Variants in BMPR1B observed in about 807,000 individuals in gnomAD.
BMPR1B encodes bone morphogenetic protein receptor type 1B.
BMPR1B carries 12 observed loss-of-function variants against 59.1 expected under a neutral mutation model. The observed-to-expected ratio is 0.20, with a 90% CI of 0.13 to 0.33. The LOEUF is 0.33. Among genes scored for constraint, BMPR1B ranks in the 10% least tolerant of loss-of-function variants. BMPR1B has a pLI of 1.00. For missense variants in BMPR1B, 550 were observed against 610.9 expected, an observed-to-expected ratio of 0.90 and a Z score of 1.05; for synonymous variants, 237 against 207.3, an observed-to-expected ratio of 1.14 and a Z score of -1.23.
chr4:94,783,765 T>A (rs1443968025), intron 1 of BMPR1B, among the ~76,000 whole-genome samples: 2 of 151,834 alleles, frequency 1.3e-5, no homozygotes, highest in Non-Finnish European at 2.9e-5. Flanking sequence ...GTGTAGAGCG[T>A]TTACCCTGTG....
intron 1 of BMPR1B, among the ~76,000 whole-genome samples, chr4:94,780,039 G>A (rs567729186): frequency 7.8e-4 from 119 of 152,070 alleles, no homozygotes; most frequent in South Asian, 4.6e-3. Flanking sequence ...TTATTTTCTA[G>A]GATAGACTCA....
intron 1 of BMPR1B, among the ~76,000 whole-genome samples, chr4:94,832,889 T>C (rs548787406): frequency 2.6e-5 from 4 of 152,268 alleles, no homozygotes; most frequent in African/African-American, 9.6e-5. Flanking sequence ...GAGCAGGTCA[T>C]GTCTGTGAGT....
At chr4:95,061,976 T>C (rs1333159671) in intron 3 of BMPR1B, among the ~76,000 whole-genome samples, 2 of 152,130 alleles carry the variant, frequency 1.3e-5, no homozygotes, top group East Asian at 3.9e-4. Flanking sequence ...ACTTCCCCAT[T>C]CACTCACTGT....
intron 1 of BMPR1B, among the ~76,000 whole-genome samples, chr4:94,815,983 CTG>C (rs1318229587): frequency 1.3e-5 from 2 of 152,054 alleles, no homozygotes; most frequent in Non-Finnish European, 2.9e-5. Flanking sequence ...TTTTCATAGA[CTG>C]TAGTCTATGT....
At chr4:94,917,935 T>C (rs1246589857) in intron 2 of BMPR1B, among the ~76,000 whole-genome samples, 1 of 152,072 alleles carries the variant, frequency 6.6e-6, no homozygotes, top group Non-Finnish European at 1.5e-5. Flanking sequence ...AGTGAGTTCT[T>C]GTGGGATCTG....
intron 2 of BMPR1B, among the ~76,000 whole-genome samples, chr4:94,987,310 A>G (rs1721484248): frequency 6.7e-6 from 1 of 149,154 alleles, no homozygotes; most frequent in African/African-American, 2.5e-5. Context: ...GAGCTTTGCA[A>G]TTTAAATCTT....
chr4:95,073,187 G>A lies in BMPR1B; in HGVS notation c.-17-31221G>A, dbSNP rs377590192. Among the ~76,000 whole-genome samples, 13 of 152,222 alleles carry A rather than the reference G, an allele frequency of 8.5e-5. No individual in the cohort carries two copies. In the East Asian group the frequency reaches 2.3e-3, roughly 27 times the overall value. On this transcript the variant is annotated intron_variant, in intron 3 of 12. Transcript: ENST00000515059. ...TTTTCAGCAGTGAATTAGAAGTGGC[G>A]GGCTTTGGAGAGATTTGTTCTTAGT...
chr4:94,918,625 G>A (rs571977705), intron 2 of BMPR1B, among the ~76,000 whole-genome samples: 4 of 152,098 alleles, frequency 2.6e-5, no homozygotes, highest in Admixed American at 2.6e-4. Context: ...GCAGTGAGCT[G>A]TGATTACATA....
At chr4:95,038,998 C>T (rs545752980) in intron 3 of BMPR1B, among the ~76,000 whole-genome samples, 2 of 152,148 alleles carry the variant, frequency 1.3e-5, no homozygotes, top group African/African-American at 2.4e-5. Context: ...GGGTGTTTGG[C>T]GGTACAGACA....
intron 3 of BMPR1B, among the ~76,000 whole-genome samples, chr4:95,079,308 G>A (rs1044832059): frequency 2.0e-5 from 3 of 152,114 alleles, no homozygotes; most frequent in Admixed American, 6.5e-5. Flanking sequence ...GTTGTTCTAC[G>A]TACCTCAAGA....
chr4:95,074,760 GTAAATTACTGTTAT>G, intron 3 of BMPR1B, among the ~76,000 whole-genome samples: 1 of 151,990 alleles, frequency 6.6e-6, no homozygotes, highest in South Asian at 2.1e-4. Flanking sequence ...GCTACTCTAG[GTAAATTACTGTTAT>G]TTAGTAATGG....
chr4:94,966,623 C>T (rs899756937), intron 2 of BMPR1B, among the ~76,000 whole-genome samples: 1 of 152,154 alleles, frequency 6.6e-6, no homozygotes, highest in South Asian at 2.1e-4. Context: ...ACAATGAACT[C>T]TATACTCAAC....
At chr4:95,100,534 G>A (rs1005097284) in intron 3 of BMPR1B, among the ~76,000 whole-genome samples, 1 of 152,010 alleles carries the variant, frequency 6.6e-6, no homozygotes, top group African/African-American at 2.4e-5. Context: ...ACAGTGATGT[G>A]GTGTGGATCT....
chr4:95,071,067 G>T (rs1420637652), intron 3 of BMPR1B, among the ~76,000 whole-genome samples: 1 of 151,846 alleles, frequency 6.6e-6, no homozygotes, highest in African/African-American at 2.4e-5. Flanking sequence ...AAGATTTTTG[G>T]TATGTATGTA....
At chr4:94,805,521 CAGA>C (rs1268550283) in intron 1 of BMPR1B, among the ~76,000 whole-genome samples, 1 of 152,152 alleles carries the variant, frequency 6.6e-6, no homozygotes, top group African/African-American at 2.4e-5. Context: ...AGCTTTGTTT[CAGA>C]AGACTTTTGT....
At chr4:94,972,328 TTAAA>T (rs1560573973) in intron 2 of BMPR1B, among the ~76,000 whole-genome samples, 1 of 152,028 alleles carries the variant, frequency 6.6e-6, no homozygotes, top group East Asian at 1.9e-4. Flanking sequence ...ATTATGACTT[TTAAA>T]TAAATGTATA....
At chr4:95,114,040 C>A (rs1203076361) in intron 4 of BMPR1B, among the ~76,000 whole-genome samples, 1 of 152,074 alleles carries the variant, frequency 6.6e-6, no homozygotes, top group Non-Finnish European at 1.5e-5. Context: ...TACCCCACCC[C>A]CAAATGAAGC....
Position 95,053,281 on chromosome 4 carries a change from T to TTGTGTGTGTGTGTGTGTGTG in BMPR1B, c.-17-51104_-17-51085dup, listed in dbSNP as rs60404669. On this transcript the variant is annotated intron_variant, in intron 3 of 12. Coordinates refer to ENST00000515059, the MANE Select transcript of BMPR1B (RefSeq NM_001203.3). The stretch of plus-strand genomic sequence containing the variant: ...TTAAAAAGCTCCCTTTGCAGGGCAC[T>TTGTGTGTGTGTGTGTGTGTG]TGTGTGTGTGTGTGTGTGTGTGTGT... 2.9e-3 allele frequency among the ~76,000 whole-genome samples: 386 copies of TTGTGTGTGTGTGTGTGTGTG among 134,296 alleles called. 7 individuals are homozygous for TTGTGTGTGTGTGTGTGTGTG. The highest frequency in any genetic ancestry group is 4.2e-3 in the Non-Finnish European group (263 of 62,868). 88.1% of individuals were successfully genotyped at this position (134,296 alleles called of 152,430 possible). A position where few individuals can be genotyped will look rare whatever the true frequency, so the allele number is the denominator to read the frequency against.
At chr4:94,840,656 A>G (rs1453509658) in intron 1 of BMPR1B, among the ~76,000 whole-genome samples, 1 of 145,956 alleles carries the variant, frequency 6.9e-6, no homozygotes, top group Non-Finnish European at 1.5e-5. Flanking sequence ...TTGTAGTTAT[A>G]CATTCTTCTA....
Sources: gnomAD v4.1 joint callset for allele counts (sites outside exome capture counted in the v4.1 genomes callset) on GRCh38, gnomAD v4.1.1 for gene constraint, MANE v1.5 for transcripts, NCBI Gene and HGNC (gene_info 2026-07-23, HGNC 2026-07-21) for gene names.